GABRA3: variants seen among roughly 807,000 people sequenced by gnomAD.
The protein encoded by GABRA3 is gamma-aminobutyric acid type A receptor subunit alpha3.
Under a neutral mutation model 30.1 loss-of-function variants are expected in GABRA3, and 10 were observed. That is an observed-to-expected ratio of 0.33 (90% CI 0.20 to 0.56). GABRA3 has a LOEUF of 0.56. Among genes scored for constraint, GABRA3 ranks in the 20% least tolerant of loss-of-function variants. The pLI is 0.89. For synonymous variants in GABRA3, 151 were observed against 146.8 expected, an observed-to-expected ratio of 1.03 and a Z score of -0.21; for missense variants, 233 against 392.0, an observed-to-expected ratio of 0.59 and a Z score of 3.42.
chrX:152,247,707 A>G (rs1021257490), intron 5 of GABRA3, among the ~76,000 whole-genome samples: 5 of 111,995 alleles, frequency 4.5e-5, no homozygotes, highest in African/African-American at 1.6e-4. Context: ...CTTATTTTAC[A>G]GAGGAAGGAC....
intron 1 of GABRA3, among the ~76,000 whole-genome samples, chrX:152,408,015 A>C (rs1398489745): frequency 9.0e-6 from 1 of 111,698 alleles, no homozygotes; most frequent in Non-Finnish European, 1.9e-5. Flanking sequence ...GCATCCAATA[A>C]AATTCAACAT....
intron 1 of GABRA3, among the ~76,000 whole-genome samples, chrX:152,435,135 A>T (rs756109965): frequency 1.8e-5 from 2 of 112,198 alleles, no homozygotes; most frequent in Non-Finnish European, 3.8e-5. Context: ...ACTACCAGAC[A>T]GCATACTCAT....
intron 9 of GABRA3, among the ~76,000 whole-genome samples, chrX:152,174,603 C>T (rs1466510986): frequency 1.9e-4 from 21 of 112,027 alleles, no homozygotes; most frequent in South Asian, 3.7e-4. Context: ...TGAGAAGTGT[C>T]TGTTTATATC....
intron 3 of GABRA3, among the ~76,000 whole-genome samples, chrX:152,289,162 C>T (rs5970260): frequency 0.22 from 24,088 of 107,797 alleles, 2,670 homozygotes; most frequent in African/African-American, 0.43. Flanking sequence ...GTTGAGTATA[C>T]TGCTCATAAT....
chrX:152,355,808 G>A (rs1341189239), intron 2 of GABRA3, among the ~76,000 whole-genome samples: 1 of 111,530 alleles, frequency 9.0e-6, no homozygotes, highest in African/African-American at 3.3e-5. Context: ...CATTGTTCAC[G>A]TACATAATTC....
At chrX:152,234,480 G>T (rs1938156715) in intron 5 of GABRA3, among the ~76,000 whole-genome samples, 1 of 110,760 alleles carries the variant, frequency 9.0e-6, no homozygotes. Context: ...ATTTAATTAA[G>T]TCCCATTTCT....
chrX:152,245,178 T>A (rs1285084273), intron 5 of GABRA3, among the ~76,000 whole-genome samples: 3 of 110,450 alleles, frequency 2.7e-5, no homozygotes, highest in Admixed American at 9.7e-5. Context: ...AAGCAATCTG[T>A]CAATTAGGCC....
Position 152,166,732 on chromosome X carries a change from TG to T in GABRA3, c.*1495del. 1 of 110,882 alleles carries T rather than the reference TG, an allele frequency of 9.0e-6. No homozygotes were observed. The highest frequency in any genetic ancestry group is 4.6e-3 in the Middle Eastern group (1 of 218). The allele number at this position is 110,882 out of a possible 1,213,427, so 9.1% of individuals were successfully genotyped here. The stretch of plus-strand genomic sequence containing the variant: ...AAAGTGATCTTCTTGGGTGACACAT[TG>T]TGACTTTCTAAAAACCTTTTTGGTG... On this transcript the variant is annotated 3_prime_UTR_variant, in exon 10 of 10. Transcript: ENST00000370314.
chrX:152,256,037 T>C, intron 4 of GABRA3, 39 bp from the exon 5 acceptor site: 1 of 1,027,948 alleles, frequency 9.7e-7, no homozygotes, highest in Non-Finnish European at 1.4e-6. Context: ...TTCAGTTGAG[T>C]TCTGGTAAGG....
intron 2 of GABRA3, among the ~76,000 whole-genome samples, chrX:152,349,470 G>T (rs2124484168): frequency 9.2e-6 from 1 of 108,166 alleles, no homozygotes; most frequent in South Asian, 4.2e-4. Context: ...AACTTTAAAT[G>T]TAAATGGACT....
chrX:152,380,362 G>A (rs963560898), intron 1 of GABRA3, among the ~76,000 whole-genome samples: 6 of 111,976 alleles, frequency 5.4e-5, no homozygotes, highest in Admixed American at 3.8e-4. Flanking sequence ...TGGTCTTTCT[G>A]TTCCTGGCTT....
At position 152,243,410 on chromosome X, in the gene GABRA3, A is replaced by G. The variant is rs1938414242; in HGVS notation, c.551+12368T>C. ...ATTAGCTTGATTTAGCTATTCCCCAATGCATAAATATATCAAGACATTCTG... is the reference window on the plus strand; with the variant it reads ...ATTAGCTTGATTTAGCTATTCCCCAGTGCATAAATATATCAAGACATTCTG... On this transcript the variant is annotated intron_variant, in intron 5 of 9. Coordinates refer to ENST00000370314, the MANE Select transcript of GABRA3 (RefSeq NM_000808.4). Among the ~76,000 whole-genome samples the G allele has an allele frequency of 3.6e-5, 4 of 112,039 alleles. No individual in the cohort carries two copies. The Admixed American group carries it at 3.8e-4, about 11-fold the overall frequency.
chrX:152,227,374 G>T (rs1937979582), intron 5 of GABRA3, among the ~76,000 whole-genome samples: 1 of 65,870 alleles, frequency 1.5e-5, no homozygotes, highest in Non-Finnish European at 2.6e-5. Flanking sequence ...ACACTCTGGG[G>T]ACTGTTGTGG....
chrX:152,189,228 G>A (rs773585069), intron 9 of GABRA3, among the ~76,000 whole-genome samples: 6 of 112,324 alleles, frequency 5.3e-5, no homozygotes, highest in African/African-American at 1.9e-4. Context: ...AGGCTCTATG[G>A]AGAAAGTAGC....
At chrX:152,395,564 G>A (rs1185704628) in intron 1 of GABRA3, among the ~76,000 whole-genome samples, 1 of 111,688 alleles carries the variant, frequency 9.0e-6, no homozygotes, top group Non-Finnish European at 1.9e-5. Context: ...TGACAGTGGT[G>A]CAAAATGACA....
At chrX:152,256,439 G>A (rs1938638251) in intron 4 of GABRA3, among the ~76,000 whole-genome samples, 1 of 111,080 alleles carries the variant, frequency 9.0e-6, no homozygotes, top group Non-Finnish European at 1.9e-5. Flanking sequence ...CATTTAATCT[G>A]AGCCTCAAAA....
chrX:152,398,349 C>T lies in GABRA3; in HGVS notation c.-26-33753G>A, dbSNP rs771516913. Among the ~76,000 whole-genome samples, 7 of 108,145 alleles carry T rather than the reference C, an allele frequency of 6.5e-5. No homozygotes were observed. The South Asian group carries it at 2.9e-3, about 44-fold the overall frequency. 93.9% of individuals were successfully genotyped at this position (108,145 alleles called of 115,157 possible). ...ATACTTCAGAACCACCAATCTATTCCTCCAGATGACACAGCAGACCCTAAA... is the reference window on the plus strand; with the variant it reads ...ATACTTCAGAACCACCAATCTATTCTTCCAGATGACACAGCAGACCCTAAA... On this transcript the variant is annotated intron_variant, in intron 1 of 9. Transcript: ENST00000370314.
chrX:152,211,186 G>A (rs12687298), intron 6 of GABRA3, among the ~76,000 whole-genome samples: 8,177 of 109,901 alleles, frequency 0.074, 645 homozygotes, highest in East Asian at 0.32. Flanking sequence ...GAACAGGTTC[G>A]TTCAGGGAAA....
intron 1 of GABRA3, among the ~76,000 whole-genome samples, chrX:152,378,064 A>G (rs1021945048): frequency 8.9e-6 from 1 of 112,471 alleles, no homozygotes; most frequent in African/African-American, 3.2e-5. Flanking sequence ...TCAAGTCATG[A>G]ATTTAATTTA....
Sources: gnomAD v4.1 joint callset for allele counts (sites outside exome capture counted in the v4.1 genomes callset) on GRCh38, gnomAD v4.1.1 for gene constraint, MANE v1.5 for transcripts, NCBI Gene and HGNC (gene_info 2026-07-23, HGNC 2026-07-21) for gene names.